MAGI1: variants seen among roughly 807,000 people sequenced by gnomAD.
The protein encoded by MAGI1 is membrane-associated guanylate kinase, WW and PDZ domain-containing protein 1.
Under a neutral mutation model 139.9 loss-of-function variants are expected in MAGI1, and 58 were observed. The ratio of observed to expected loss-of-function variants is 0.41; its 90% confidence interval spans 0.34 to 0.52. The LOEUF (loss-of-function observed/expected upper bound fraction) is 0.52. Among genes scored for constraint, MAGI1 ranks in the 20% least tolerant of loss-of-function variants. MAGI1 has a pLI of 0.12. For synonymous variants in MAGI1, 812 were observed against 737.9 expected (o/e 1.10, Z -1.63); for missense variants, 1,874 against 1,901.6 (o/e 0.99, Z 0.27).
intron 1 of MAGI1, among the ~76,000 whole-genome samples, chr3:65,942,245 C>A (rs1313620153): frequency 4.6e-5 from 7 of 151,492 alleles, no homozygotes; most frequent in Non-Finnish European, 8.8e-5. Flanking sequence ...TACAAAACCA[C>A]CAAAAGGAGA....
chr3:66,027,271 AATAAATAAATAAATAAATAAAT>A, intron 1 of MAGI1, among the ~76,000 whole-genome samples: 1 of 26,676 alleles, frequency 3.7e-5, no homozygotes, highest in Non-Finnish European at 1.0e-4. Flanking sequence ...GTCTCAAATA[AATAAATAAATAAATAAATAAAT>A]AAATAAATAA....
chr3:65,390,820 C>T (rs1283969365), intron 14 of MAGI1, among the ~76,000 whole-genome samples: 2 of 152,218 alleles, frequency 1.3e-5, no homozygotes, highest in Non-Finnish European at 2.9e-5. Flanking sequence ...GCTCAGAGCA[C>T]ATCACAATCT....
intron 1 of MAGI1, among the ~76,000 whole-genome samples, chr3:65,986,554 T>G (rs1397979354): frequency 6.6e-6 from 1 of 152,210 alleles, no homozygotes; most frequent in Non-Finnish European, 1.5e-5. Context: ...CCTTTCATTC[T>G]GGATGCACCC....
At chr3:65,733,187 T>A (rs556594604) in intron 1 of MAGI1, among the ~76,000 whole-genome samples, 1 of 152,066 alleles carries the variant, frequency 6.6e-6, no homozygotes, top group African/African-American at 2.4e-5. Flanking sequence ...GCCTCCCGAG[T>A]AGCTGGGATC....
chr3:65,709,128 T>C (rs928553245), intron 1 of MAGI1, among the ~76,000 whole-genome samples: 4 of 152,230 alleles, frequency 2.6e-5, no homozygotes, highest in Non-Finnish European at 4.4e-5. Context: ...AATATGTATA[T>C]ACACTACATG....
At chr3:66,010,309 T>C (rs2107499594) in intron 1 of MAGI1, among the ~76,000 whole-genome samples, 1 of 152,292 alleles carries the variant, frequency 6.6e-6, no homozygotes, top group African/African-American at 2.4e-5. Flanking sequence ...GTCTCTGTTC[T>C]GTGGTGCCTT....
At position 65,550,925 on chromosome 3, in the gene MAGI1, G is replaced by A. The variant is rs1468799757; in HGVS notation, c.431-57294C>T. On this transcript the variant is annotated intron_variant, in intron 2 of 22. Transcript: ENST00000402939. ...GTCTGAGGCTGCATGAGCTGTGACT[G>A]TGCCACTACACTCCAGCCTGGGCAA... Among the ~76,000 whole-genome samples, 6 of 152,298 alleles carry A rather than the reference G, an allele frequency of 3.9e-5. No individual in the cohort carries two copies. In the South Asian group the frequency reaches 8.3e-4, roughly 21 times the overall value.
At chr3:65,438,483 C>A (rs902186940) in intron 9 of MAGI1, among the ~76,000 whole-genome samples, 3 of 152,182 alleles carry the variant, frequency 2.0e-5, no homozygotes, top group African/African-American at 7.2e-5. Context: ...TTAATATACC[C>A]ATGTGTCAAA....
rs531271517 is a variant in MAGI1, at chr3:65,597,699, T to A, written c.430+24273A>T. On this transcript the variant is annotated intron_variant, in intron 2 of 22. Coordinates refer to ENST00000402939, the MANE Select transcript of MAGI1 (RefSeq NM_001033057.2). Reference sequence around the variant, plus strand: ...CTCAAACCTCCGGTGGCAGGGAGCCTCTGCCGCCGCCTGCCTGTCCCCAGG... The same window carrying A: ...CTCAAACCTCCGGTGGCAGGGAGCCACTGCCGCCGCCTGCCTGTCCCCAGG... 3 of 456,350 alleles carry A rather than the reference T, an allele frequency of 6.6e-6. No homozygotes were observed. The East Asian group carries it at 2.1e-4, about 32-fold the overall frequency. 28.3% of individuals were successfully genotyped at this position (456,350 alleles called of 1,614,324 possible).
intron 1 of MAGI1, among the ~76,000 whole-genome samples, chr3:65,870,198 C>T (rs2059890569): frequency 6.6e-6 from 1 of 151,650 alleles, no homozygotes; most frequent in Non-Finnish European, 1.5e-5. Context: ...AGGGACTGAA[C>T]TTAATTTAAT....
At chr3:65,687,252 AG>A in intron 1 of MAGI1, 1 of 183,842 alleles carries the variant, frequency 5.4e-6, no homozygotes, top group South Asian at 1.2e-4. Flanking sequence ...AGAGGGGGGC[AG>A]GGGAGGAAGG....
chr3:65,599,382 G>A (rs1004924383), intron 2 of MAGI1, among the ~76,000 whole-genome samples: 5 of 152,158 alleles, frequency 3.3e-5, no homozygotes, highest in South Asian at 2.1e-4. Context: ...TTGCTACTCA[G>A]TAAACCTAGG....
At chr3:65,930,681 T>A (rs560209095) in intron 1 of MAGI1, among the ~76,000 whole-genome samples, 1 of 152,266 alleles carries the variant, frequency 6.6e-6, no homozygotes, top group Admixed American at 6.5e-5. Flanking sequence ...ATTAAACAGG[T>A]TGCGGTAAAG....
intron 1 of MAGI1, among the ~76,000 whole-genome samples, chr3:65,627,786 T>G (rs976814657): frequency 2.0e-5 from 3 of 152,022 alleles, no homozygotes; most frequent in Non-Finnish European, 4.4e-5. Flanking sequence ...GATTACAGGC[T>G]TGAGCCACTG....
chr3:65,920,322 T>TA (rs1306495734), intron 1 of MAGI1, among the ~76,000 whole-genome samples: 4 of 152,138 alleles, frequency 2.6e-5, no homozygotes, highest in African/African-American at 9.7e-5. Context: ...ACAGTGATAT[T>TA]AAAAAACAAG....
intron 1 of MAGI1, among the ~76,000 whole-genome samples, chr3:65,626,713 TA>T (rs1462631049): frequency 6.6e-6 from 1 of 152,212 alleles, no homozygotes; most frequent in Non-Finnish European, 1.5e-5. Context: ...GTCATCAAAC[TA>T]AAACTCCCCT....
chr3:65,941,669 T>C (rs1283742015), intron 1 of MAGI1, among the ~76,000 whole-genome samples: 1 of 151,972 alleles, frequency 6.6e-6, no homozygotes, highest in Non-Finnish European at 1.5e-5. Flanking sequence ...ACCCCAACTT[T>C]AAAGTCTAAA....
chr3:65,891,843 A>T (rs2060763658), intron 1 of MAGI1, among the ~76,000 whole-genome samples: 1 of 135,838 alleles, frequency 7.4e-6, no homozygotes, highest in Non-Finnish European at 1.6e-5. Flanking sequence ...CATACGTAAC[A>T]AACCTGCACA....
At chr3:65,654,617 G>C (rs1482226420) in intron 1 of MAGI1, among the ~76,000 whole-genome samples, 1 of 152,012 alleles carries the variant, frequency 6.6e-6, no homozygotes, top group African/African-American at 2.4e-5. Context: ...TGACATATGA[G>C]TAATGACTTT....
Sources: gnomAD v4.1 joint callset for allele counts (sites outside exome capture counted in the v4.1 genomes callset) on GRCh38, gnomAD v4.1.1 for gene constraint, MANE v1.5 for transcripts, NCBI Gene and HGNC (gene_info 2026-07-23, HGNC 2026-07-21) for gene names.